The following KCNJ12 variants were observed in gnomAD, a reference collection of about 807,000 sequenced individuals.
The protein encoded by KCNJ12 is ATP-sensitive inward rectifier potassium channel 12.
KCNJ12 carries 2 observed loss-of-function variants against 22.3 expected under a neutral mutation model. That is an observed-to-expected ratio of 0.09 (90% CI 0.04 to 0.28). The LOEUF (loss-of-function observed/expected upper bound fraction) is 0.28. KCNJ12 is among the 10% of genes least tolerant of loss of function. The pLI is 1.00. For synonymous variants in KCNJ12, 117 were observed against 261.4 expected, an observed-to-expected ratio of 0.45 and a Z score of 5.33; for missense variants, 155 against 633.3, an observed-to-expected ratio of 0.24 and a Z score of 8.11.
chr17:21,407,453 A>G (rs1444411713), intron 1 of KCNJ12, among the ~76,000 whole-genome samples: 4 of 151,794 alleles, frequency 2.6e-5, no homozygotes, highest in Admixed American at 2.6e-4. Context: ...CCACCCAGCC[A>G]TCCCTCTATC....
chr17:21,380,417 C>T (rs1307467132), intron 1 of KCNJ12, among the ~76,000 whole-genome samples: 1 of 152,164 alleles, frequency 6.6e-6, no homozygotes, highest in Non-Finnish European at 1.5e-5. Context: ...CCAGCCCCTG[C>T]CCTCAGGGAT....
At chr17:21,384,859 G>A (rs1195007344) in intron 1 of KCNJ12, among the ~76,000 whole-genome samples, 2 of 147,552 alleles carry the variant, frequency 1.4e-5, no homozygotes, top group Non-Finnish European at 3.0e-5. Context: ...TGCAATCTCC[G>A]CCTCCCGGGT....
chr17:21,400,019 G>C (rs1389226075), intron 1 of KCNJ12, among the ~76,000 whole-genome samples: 1 of 152,220 alleles, frequency 6.6e-6, no homozygotes, highest in Non-Finnish European at 1.5e-5. Context: ...AACAGCCTCT[G>C]TGGGGCCCCG....
intron 1 of KCNJ12, among the ~76,000 whole-genome samples, chr17:21,407,921 T>G (rs1906069286): frequency 2.0e-5 from 3 of 152,222 alleles, no homozygotes; most frequent in Non-Finnish European, 2.9e-5. Flanking sequence ...CATTCATCCA[T>G]CTACCCACTC....
At chr17:21,378,781 C>A (rs1329712056) in intron 1 of KCNJ12, among the ~76,000 whole-genome samples, 3 of 152,040 alleles carry the variant, frequency 2.0e-5, no homozygotes, top group Non-Finnish European at 2.9e-5. Context: ...GGGGGTGGAG[C>A]CTTCTCTGGG....
chr17:21,387,526 T>C (rs1031845175), intron 1 of KCNJ12, among the ~76,000 whole-genome samples: 4 of 152,046 alleles, frequency 2.6e-5, no homozygotes, highest in Admixed American at 2.0e-4. Flanking sequence ...TGAGGTGTTT[T>C]GGCATCAGCT....
chr17:21,398,743 C>T (rs565475851), intron 1 of KCNJ12, among the ~76,000 whole-genome samples: 12 of 152,238 alleles, frequency 7.9e-5, no homozygotes, highest in Admixed American at 3.9e-4. Context: ...ACACCCTTAT[C>T]CTAGGTCGTG....
At chr17:21,393,739 C>T (rs1597563294) in intron 1 of KCNJ12, among the ~76,000 whole-genome samples, 1 of 152,224 alleles carries the variant, frequency 6.6e-6, no homozygotes, top group Non-Finnish European at 1.5e-5. Flanking sequence ...ACCACAGGGG[C>T]CTGGAAGGCA....
chr17:21,394,625 G>C (rs1344514210), intron 1 of KCNJ12, among the ~76,000 whole-genome samples: 1 of 152,208 alleles, frequency 6.6e-6, no homozygotes, highest in African/African-American at 2.4e-5. Context: ...GCCCTGTGCT[G>C]GGTGATGCAC....
intron 1 of KCNJ12, among the ~76,000 whole-genome samples, chr17:21,380,139 G>C (rs910158931): frequency 2.0e-5 from 3 of 152,146 alleles, no homozygotes; most frequent in Non-Finnish European, 4.4e-5. Flanking sequence ...TCCCACACAG[G>C]GCCTGAGGCC....
At chr17:21,402,517 G>T (rs1905680087) in intron 1 of KCNJ12, among the ~76,000 whole-genome samples, 2 of 152,310 alleles carry the variant, frequency 1.3e-5, no homozygotes, top group Admixed American at 6.5e-5. Flanking sequence ...TGTAAATGGG[G>T]CCTGGGGCAG....
intron 1 of KCNJ12, among the ~76,000 whole-genome samples, chr17:21,397,559 A>G (rs1355029507): frequency 6.6e-6 from 1 of 152,162 alleles, no homozygotes; most frequent in Non-Finnish European, 1.5e-5. Flanking sequence ...CGGGAAGGAG[A>G]TGGGAGCTCC....
chr17:21,386,753 A>G (rs6587149), intron 1 of KCNJ12, among the ~76,000 whole-genome samples: 132,963 of 152,206 alleles, frequency 0.87, 58,353 homozygotes, highest in African/African-American at 0.95. Flanking sequence ...TGATCCGTCT[A>G]CCTTGGCCTC....
rs560148570 is a variant in KCNJ12, at chr17:21,383,139, G to T, written c.-179+6226G>T. On this transcript the variant is annotated intron_variant, in intron 1 of 2. Transcript: ENST00000583088. ...TGATAGAGAGGATGAAAGGCCGGGGGCAGGAGAGGTCAAGGGGGATGGAGT... is the reference window on the plus strand; with the variant it reads ...TGATAGAGAGGATGAAAGGCCGGGGTCAGGAGAGGTCAAGGGGGATGGAGT... Among the ~76,000 whole-genome samples, 4 of 152,366 alleles carry T rather than the reference G, an allele frequency of 2.6e-5. No homozygotes were observed. In the South Asian group the frequency reaches 8.3e-4, roughly 32 times the overall value.
intron 2 of KCNJ12, 79 bp from the exon 3 acceptor site, chr17:21,415,208 A>C: frequency 2.1e-6 from 3 of 1,412,344 alleles, no homozygotes; most frequent in Non-Finnish European, 2.9e-6. Flanking sequence ...TCCTCCAGTC[A>C]CGTCTGGGGG....
rs943330709 is a variant in KCNJ12, at chr17:21,384,710, C to A, written c.-179+7797C>A. Among the ~76,000 whole-genome samples, 9 of 151,178 alleles carry A rather than the reference C, an allele frequency of 6.0e-5. No individual in the cohort carries two copies. In the South Asian group the frequency reaches 1.5e-3, roughly 25 times the overall value. On this transcript the variant is annotated intron_variant, in intron 1 of 2. Coordinates refer to ENST00000583088, the MANE Select transcript of KCNJ12 (RefSeq NM_021012.5). ...CACTTGTTCCCTCACTGTCTTCAGGCTGGGGCAGGCCTCTGTGTGGGGAAT... is the reference window on the plus strand; with the variant it reads ...CACTTGTTCCCTCACTGTCTTCAGGATGGGGCAGGCCTCTGTGTGGGGAAT...
At position 21,376,771 on chromosome 17, in the gene KCNJ12, C is replaced by G. The variant is rs1379706590; in HGVS notation, c.-321C>G. On this transcript the variant is annotated 5_prime_UTR_variant, in exon 1 of 3. Transcript: ENST00000583088. This position sits in a 1 kb window ranked among gnomAD's most constrained non-coding sequence, Gnocchi z 5.3. ...CGCTTTGCAGAGAAGACGCGCCCCTCGGCATGGAGCGCCCCCGGGAGCTGC... is the reference window on the plus strand; with the variant it reads ...CGCTTTGCAGAGAAGACGCGCCCCTGGGCATGGAGCGCCCCCGGGAGCTGC... 2 of 143,422 alleles carry G rather than the reference C, an allele frequency of 1.4e-5. No homozygotes were observed. The highest frequency in any genetic ancestry group is 5.3e-5 in the African/African-American group (2 of 38,026). 8.9% of individuals were successfully genotyped at this position (143,422 alleles called of 1,614,324 possible). A position where few individuals can be genotyped will look rare whatever the true frequency, so the allele number is the denominator to read the frequency against.
chr17:21,395,452 G>A (rs1490798538), intron 1 of KCNJ12, among the ~76,000 whole-genome samples: 4 of 150,244 alleles, frequency 2.7e-5, no homozygotes, highest in Non-Finnish European at 4.4e-5. Context: ...AAAATTAGCC[G>A]GGCATAGTGA....
intron 2 of KCNJ12, among the ~76,000 whole-genome samples, chr17:21,410,479 G>A (rs4413021): frequency 0.45 from 65,884 of 146,210 alleles, 9,028 homozygotes; most frequent in Middle Eastern, 0.54. Context: ...GGAGGCGTGC[G>A]CCAGCCTTCC....
Sources: allele counts gnomAD v4.1 joint callset (sites outside exome capture counted in the v4.1 genomes callset), GRCh38; gene constraint gnomAD v4.1.1; non-coding constraint Gnocchi (gnomAD v3.1); transcripts MANE v1.5; gene names NCBI Gene and HGNC (gene_info 2026-07-23, HGNC 2026-07-21).